Variants in CNTNAP2 observed in about 807,000 individuals in gnomAD.
CNTNAP2 encodes the protein contactin-associated protein-like 2.
A neutral mutation model predicts 155.2 loss-of-function variants in CNTNAP2; 98 were observed. That is an observed-to-expected ratio of 0.63 (90% CI 0.54 to 0.75). The LOEUF (loss-of-function observed/expected upper bound fraction) is 0.75, where lower values mean the gene tolerates loss of function less well. Among genes scored for constraint, CNTNAP2 ranks in the 30% least tolerant of loss-of-function variants. The pLI is 0.00. For synonymous variants in CNTNAP2, 651 were observed against 631.2 expected (o/e 1.03, Z -0.47); for missense variants, 1,727 against 1,688.1 (o/e 1.02, Z -0.40).
chr7:146,419,387 C>A (rs1795979948), intron 1 of CNTNAP2, among the ~76,000 whole-genome samples: 1 of 152,022 alleles, frequency 6.6e-6, no homozygotes. Flanking sequence ...GGGGACACAG[C>A]CAAACCATAT....
intron 8 of CNTNAP2, among the ~76,000 whole-genome samples, chr7:147,219,160 G>A (rs1010689293): frequency 6.6e-6 from 1 of 152,106 alleles, no homozygotes; most frequent in African/African-American, 2.4e-5. Flanking sequence ...CATTTTCACA[G>A]TAATGAACTC....
chr7:147,221,704 T>A (rs1381644484), intron 8 of CNTNAP2, among the ~76,000 whole-genome samples: 1 of 152,238 alleles, frequency 6.6e-6, no homozygotes, highest in Non-Finnish European at 1.5e-5. Flanking sequence ...TTTGCATACA[T>A]TTGAGATTTT....
intron 13 of CNTNAP2, chr7:147,894,039 T>A (rs538824069): frequency 6.6e-6 from 1 of 152,318 alleles, no homozygotes; most frequent in African/African-American, 2.4e-5. Context: ...TTTGGAGGAC[T>A]CTATAGAGGC....
chr7:146,677,449 A>T (rs1200975485), intron 1 of CNTNAP2, among the ~76,000 whole-genome samples: 1 of 152,162 alleles, frequency 6.6e-6, no homozygotes, highest in Non-Finnish European at 1.5e-5. Flanking sequence ...TGAGGTCTGC[A>T]TTGGTGGTAA....
intron 4 of CNTNAP2, among the ~76,000 whole-genome samples, chr7:147,049,128 G>A (rs762480594): frequency 6.6e-6 from 1 of 152,178 alleles, no homozygotes; most frequent in African/African-American, 2.4e-5. Context: ...CAGAGCCCTC[G>A]TGACCTACTC....
chr7:146,801,204 C>T (rs1802871241), intron 2 of CNTNAP2, among the ~76,000 whole-genome samples: 1 of 152,086 alleles, frequency 6.6e-6, no homozygotes. Flanking sequence ...GTTTCAGGCT[C>T]TTTTAAACAA....
intron 1 of CNTNAP2, among the ~76,000 whole-genome samples, chr7:146,669,600 T>C (rs1412252766): frequency 6.6e-6 from 1 of 152,162 alleles, no homozygotes; most frequent in African/African-American, 2.4e-5. Context: ...TTTATCCAAC[T>C]TTGGTAATTT....
At chr7:146,474,312 C>A in intron 1 of CNTNAP2, among the ~76,000 whole-genome samples, 1 of 148,646 alleles carries the variant, frequency 6.7e-6, no homozygotes, top group East Asian at 1.9e-4. Flanking sequence ...ATATATATTT[C>A]ATTTTCCCCA....
At chr7:146,622,978 A>G (rs35492220) in intron 1 of CNTNAP2, among the ~76,000 whole-genome samples, 8,354 of 150,378 alleles carry the variant, frequency 0.056, 326 homozygotes, top group Non-Finnish European at 0.088. Flanking sequence ...AGAAAAAAGA[A>G]AAAAGAAAAA....
chr7:146,691,213 A>T (rs753620294), intron 1 of CNTNAP2, among the ~76,000 whole-genome samples: 4 of 151,642 alleles, frequency 2.6e-5, no homozygotes, highest in Non-Finnish European at 3.0e-5. Context: ...TGATAAATAT[A>T]AAGCCACTAA....
chr7:146,533,686 C>T (rs1358017267), intron 1 of CNTNAP2, among the ~76,000 whole-genome samples: 1 of 152,116 alleles, frequency 6.6e-6, no homozygotes, highest in Non-Finnish European at 1.5e-5. Flanking sequence ...TCAGAGTCCT[C>T]TCAGTCCATC....
intron 1 of CNTNAP2, among the ~76,000 whole-genome samples, chr7:146,618,822 C>T (rs567353243): frequency 2.4e-4 from 36 of 152,062 alleles, no homozygotes; most frequent in Non-Finnish European, 4.4e-4. Context: ...GTAATCCCAG[C>T]ACTTTGGGAG....
intron 8 of CNTNAP2, among the ~76,000 whole-genome samples, chr7:147,287,653 T>C (rs1805210279): frequency 6.6e-6 from 1 of 152,138 alleles, no homozygotes; most frequent in African/African-American, 2.4e-5. Flanking sequence ...ACTACATTTT[T>C]TTCTTGAGCT....
intron 4 of CNTNAP2, among the ~76,000 whole-genome samples, chr7:147,058,926 T>C (rs1799612273): frequency 6.6e-6 from 1 of 152,150 alleles, no homozygotes; most frequent in African/African-American, 2.4e-5. Flanking sequence ...CTTTTCCTAC[T>C]AAGGAAGTAA....
In CNTNAP2 at chr7:147,978,065, C is replaced by A. The variant is rs553744588; in HGVS notation, c.2383+76C>A. 3.1e-4 allele frequency: 492 copies of A among 1,575,784 alleles called. 3 individuals carry two copies. In the African/African-American group the frequency reaches 6.0e-3, roughly 19 times the overall value. The stretch of plus-strand genomic sequence containing the variant: ...TTGTTTCCAGGCTCCTCAGAAGATG[C>A]CTGCAATCAGACTTGCTCTCCTGTA... On this transcript the variant is annotated intron_variant, in intron 15 of 23. Coordinates refer to ENST00000361727, the MANE Select transcript of CNTNAP2 (RefSeq NM_014141.6).
intron 1 of CNTNAP2, among the ~76,000 whole-genome samples, chr7:146,518,119 T>C (rs1207468005): frequency 6.6e-6 from 1 of 151,966 alleles, no homozygotes; most frequent in Admixed American, 6.6e-5. Flanking sequence ...AGTTCAGTTT[T>C]AATTTTTGAG....
At chr7:148,211,548 G>T (rs1465395975) in intron 18 of CNTNAP2, among the ~76,000 whole-genome samples, 1 of 152,116 alleles carries the variant, frequency 6.6e-6, no homozygotes, top group Non-Finnish European at 1.5e-5. Flanking sequence ...GTCGGACAAG[G>T]TGGCAGTATT....
At chr7:148,311,902 G>T (rs1453518741) in intron 21 of CNTNAP2, among the ~76,000 whole-genome samples, 3 of 152,136 alleles carry the variant, frequency 2.0e-5, no homozygotes, top group Non-Finnish European at 4.4e-5. Flanking sequence ...GGTCAGGTGT[G>T]GTATCTGGAA....
chr7:146,934,983 A>G (rs1307756911), intron 3 of CNTNAP2, among the ~76,000 whole-genome samples: 2 of 152,218 alleles, frequency 1.3e-5, no homozygotes, highest in Non-Finnish European at 2.9e-5. Context: ...TCCATTTGCT[A>G]TTGTGACATT....
Sources: gnomAD v4.1 joint callset for allele counts (sites outside exome capture counted in the v4.1 genomes callset) on GRCh38, gnomAD v4.1.1 for gene constraint, MANE v1.5 for transcripts, NCBI Gene and HGNC (gene_info 2026-07-23, HGNC 2026-07-21) for gene names.